PTPN21: variants seen among roughly 807,000 people sequenced by gnomAD.
The protein encoded by PTPN21 is protein tyrosine phosphatase non-receptor type 21, also known as tyrosine-protein phosphatase non-receptor type 21.
In PTPN21, 77 loss-of-function variants were observed where a neutral mutation model predicts 131.8. That is an observed-to-expected ratio of 0.58 (90% CI 0.49 to 0.71). PTPN21 has a LOEUF of 0.71. PTPN21 is among the 30% of genes least tolerant of loss of function. PTPN21 has a pLI of 0.00. For synonymous variants in PTPN21, 715 were observed against 621.3 expected, an observed-to-expected ratio of 1.15 and a Z score of -2.24; for missense variants, 1,552 against 1,527.1, an observed-to-expected ratio of 1.02 and a Z score of -0.27.
At chr14:88,515,482 G>C (rs2139307453) in intron 3 of PTPN21, 1 of 152,180 alleles carries the variant, frequency 6.6e-6, no homozygotes, top group East Asian at 1.9e-4. Context: ...CATTAAATTT[G>C]AAAATCTCTT....
chr14:88,531,127 C>G (rs1473858870), intron 2 of PTPN21, among the ~76,000 whole-genome samples: 8 of 152,080 alleles, frequency 5.3e-5, no homozygotes, highest in Admixed American at 2.0e-4. Context: ...GAAATTAACT[C>G]CAAAAGTAAC....
In PTPN21 at chr14:88,545,994, A is replaced by AT. The variant is rs1442797591; in HGVS notation, c.180+4243dup. 2.3e-3 allele frequency among the ~76,000 whole-genome samples: 338 copies of AT among 145,482 alleles called. 1 individual carries two copies. The highest frequency in any genetic ancestry group is 4.2e-3 in the Non-Finnish European group (282 of 66,432). On this transcript the variant is annotated intron_variant, in intron 2 of 18. Transcript: ENST00000556564. ...GCGATAGAGCGAGACTCTGTCTCAAATAAAAAAAAAAAAAAAAAAAAAGAA... is the reference window on the plus strand; with the variant it reads ...GCGATAGAGCGAGACTCTGTCTCAAATTAAAAAAAAAAAAAAAAAAAAAGAA...
chr14:88,538,043 CTG>C (rs1385209555), intron 2 of PTPN21, among the ~76,000 whole-genome samples: 2 of 152,152 alleles, frequency 1.3e-5, no homozygotes, highest in Non-Finnish European at 2.9e-5. Context: ...CAGCACATGA[CTG>C]TATATATATA....
chr14:88,500,953 C>T, intron 7 of PTPN21, 82 bp from the exon 8 acceptor site: 1 of 1,010,480 alleles, frequency 9.9e-7, no homozygotes. Context: ...ACTGGTTTCC[C>T]AGATGTAGAA....
intron 2 of PTPN21, among the ~76,000 whole-genome samples, chr14:88,541,245 C>T (rs1444352755): frequency 6.6e-6 from 1 of 152,142 alleles, no homozygotes; most frequent in Non-Finnish European, 1.5e-5. Context: ...ATGTTAGCAT[C>T]TTAGGCAAAA....
At chr14:88,534,312 C>T (rs964260366) in intron 2 of PTPN21, among the ~76,000 whole-genome samples, 11 of 150,402 alleles carry the variant, frequency 7.3e-5, no homozygotes, top group Admixed American at 1.3e-4. Context: ...GAACCCAGGA[C>T]GCAGAGGTTG....
At chr14:88,531,509 A>G (rs562018441) in intron 2 of PTPN21, among the ~76,000 whole-genome samples, 1 of 152,274 alleles carries the variant, frequency 6.6e-6, no homozygotes, top group South Asian at 2.1e-4. Flanking sequence ...GTAAGCCGAG[A>G]TTGCGCCACT....
chr14:88,526,188 G>C (rs540736332), intron 2 of PTPN21, among the ~76,000 whole-genome samples: 1 of 152,206 alleles, frequency 6.6e-6, no homozygotes, highest in East Asian at 1.9e-4. Flanking sequence ...CTTTGGGGGT[G>C]ATGAAAATGT....
chr14:88,545,817 G>A lies in PTPN21; in HGVS notation c.180+4421C>T, dbSNP rs563582101. ...CTCTACTAAAAATACAAAATTAGCC[G>A]GGCGTGGTGGCATGCGCCTATAGTC... On this transcript the variant is annotated intron_variant, in intron 2 of 18. Coordinates refer to ENST00000556564, the MANE Select transcript of PTPN21 (RefSeq NM_007039.4). Among the ~76,000 whole-genome samples, 371 of 151,852 alleles carry A rather than the reference G, an allele frequency of 2.4e-3. 3 individuals are homozygous for A. The highest frequency in any genetic ancestry group is 8.1e-3 in the African/African-American group (337 of 41,428).
chr14:88,483,062 A>G (rs1473601039), intron 12 of PTPN21, among the ~76,000 whole-genome samples: 4 of 151,838 alleles, frequency 2.6e-5, no homozygotes, highest in Non-Finnish European at 5.9e-5. Context: ...AATACAAAAA[A>G]TTAGCCGGGC....
At chr14:88,550,146 T>A (rs2078842615) in intron 2 of PTPN21, 92 bp downstream of exon 2, 1 of 1,330,140 alleles carries the variant, frequency 7.5e-7, no homozygotes, top group Non-Finnish European at 1.0e-6. Flanking sequence ...ACTCCTGACC[T>A]CAGGTGATCC....
At chr14:88,517,339 A>G in intron 2 of PTPN21, 78 bp from the exon 3 acceptor site, 1 of 1,459,362 alleles carries the variant, frequency 6.9e-7, no homozygotes, top group Non-Finnish European at 9.5e-7. Flanking sequence ...CTAATCCCTG[A>G]CCTGTGACCA....
intron 2 of PTPN21, among the ~76,000 whole-genome samples, chr14:88,545,833 G>A (rs2052989): frequency 0.54 from 81,937 of 151,406 alleles, 24,650 homozygotes; most frequent in Middle Eastern, 0.7. Context: ...GGTGGCATGC[G>A]CCTATAGTCC....
chr14:88,535,180 G>A (rs190792336), intron 2 of PTPN21, among the ~76,000 whole-genome samples: 3 of 151,990 alleles, frequency 2.0e-5, no homozygotes, highest in African/African-American at 7.3e-5. Flanking sequence ...GTAACATGTT[G>A]GACAGGTTTA....
At chr14:88,506,404 TAAAC>T (rs1566831295) in intron 4 of PTPN21, among the ~76,000 whole-genome samples, 2 of 151,908 alleles carry the variant, frequency 1.3e-5, no homozygotes, top group South Asian at 4.2e-4. Flanking sequence ...ATGAAAAAAA[TAAAC>T]AATTCAAAAA....
chr14:88,534,082 T>C (rs2078593002), intron 2 of PTPN21, among the ~76,000 whole-genome samples: 1 of 152,060 alleles, frequency 6.6e-6, no homozygotes, highest in Non-Finnish European at 1.5e-5. Context: ...CACAGAAGTT[T>C]AAAAAGTGGC....
At chr14:88,544,937 C>T (rs1046432676) in intron 2 of PTPN21, among the ~76,000 whole-genome samples, 6 of 152,020 alleles carry the variant, frequency 3.9e-5, no homozygotes, top group Non-Finnish European at 7.4e-5. Context: ...AAGTGATTCT[C>T]CTGTCTCAGC....
intron 8 of PTPN21, among the ~76,000 whole-genome samples, chr14:88,499,695 G>A (rs921434524): frequency 3.9e-5 from 6 of 152,146 alleles, no homozygotes; most frequent in African/African-American, 1.4e-4. Context: ...CTCATGATAA[G>A]CACTCAACAA....
At chr14:88,511,916 C>T (rs2139298324) in intron 3 of PTPN21, among the ~76,000 whole-genome samples, 1 of 152,248 alleles carries the variant, frequency 6.6e-6, no homozygotes, top group South Asian at 2.1e-4. Context: ...TAGGTGACCC[C>T]ATTTTGCACA....
Sources: allele counts gnomAD v4.1 joint callset (sites outside exome capture counted in the v4.1 genomes callset), GRCh38; gene constraint gnomAD v4.1.1; transcripts MANE v1.5; gene names NCBI Gene and HGNC (gene_info 2026-07-23, HGNC 2026-07-21).